The following IFT52 variants were observed in gnomAD, a reference collection of about 807,000 sequenced individuals.
The protein encoded by IFT52 is intraflagellar transport 52, also known as intraflagellar transport protein 52 homolog.
IFT52 carries 44 observed loss-of-function variants against 54.4 expected under a neutral mutation model. The observed-to-expected ratio is 0.81, with a 90% CI of 0.63 to 1.04. The LOEUF (loss-of-function observed/expected upper bound fraction) is 1.04, where lower values mean the gene tolerates loss of function less well. Among genes scored for constraint, IFT52 ranks in the 50% least tolerant of loss-of-function variants. IFT52 has a pLI of 0.00. For missense variants in IFT52, 452 were observed against 523.6 expected (o/e 0.86, Z 1.33); for synonymous variants, 181 against 185.3 (o/e 0.98, Z 0.19).
At chr20:43,609,703 A>G (rs1446251634) in intron 6 of IFT52, among the ~76,000 whole-genome samples, 2 of 139,156 alleles carry the variant, frequency 1.4e-5, no homozygotes, top group Non-Finnish European at 3.1e-5. Context: ...TGAACCTGGG[A>G]GGCGGAGGTT....
intron 3 of IFT52, among the ~76,000 whole-genome samples, chr20:43,600,435 G>T (rs1982334673): frequency 6.6e-6 from 1 of 151,872 alleles, no homozygotes; most frequent in Admixed American, 6.6e-5. Context: ...CTTCCGAGTA[G>T]GTGGTACTAC....
intron 10 of IFT52, among the ~76,000 whole-genome samples, chr20:43,625,998 C>T (rs560957867): frequency 1.6e-4 from 17 of 108,200 alleles, no homozygotes; most frequent in Non-Finnish European, 2.2e-4. Context: ...CCAGCCTGGT[C>T]AACAGAGAGA....
rs1984239090 is a variant in IFT52, at chr20:43,620,838, A to AC, written c.700-18dup. 2.0e-6 allele frequency: 3 copies of AC among 1,478,138 alleles called. No individual in the cohort carries two copies. Among genetic ancestry groups the AC allele is most frequent in the Non-Finnish European group, 2.7e-6 (3 of 1,099,296 alleles). 91.6% of individuals were successfully genotyped at this position (1,478,138 alleles called of 1,614,324 possible). ...AAATAACCAACTGTCCTAATTATATACTTTTTTTTTTAATTTAGGATGTTG... is the reference window on the plus strand; with the variant it reads ...AAATAACCAACTGTCCTAATTATATACCTTTTTTTTTTAATTTAGGATGTTG... On this transcript the variant is annotated intron_variant, in intron 8 of 13. Transcript: ENST00000373030.
intron 2 of IFT52, among the ~76,000 whole-genome samples, chr20:43,595,763 A>G (rs1981908891): frequency 6.6e-6 from 1 of 151,832 alleles, no homozygotes; most frequent in Admixed American, 6.6e-5. Context: ...GTGCATGCCT[A>G]TAATCCCAGC....
intron 6 of IFT52, among the ~76,000 whole-genome samples, chr20:43,605,556 A>G (rs1982798353): frequency 6.6e-6 from 1 of 152,172 alleles, no homozygotes; most frequent in Admixed American, 6.5e-5. Context: ...CAAAAAATAT[A>G]TAGTATGGTA....
chr20:43,631,665 A>G (rs1600505829), intron 10 of IFT52, among the ~76,000 whole-genome samples: 1 of 152,350 alleles, frequency 6.6e-6, no homozygotes, highest in African/African-American at 2.4e-5. Context: ...AGAAGCCACA[A>G]TAGAAAAATA....
At chr20:43,620,117 A>G (rs529372972) in intron 8 of IFT52, among the ~76,000 whole-genome samples, 12 of 151,646 alleles carry the variant, frequency 7.9e-5, no homozygotes, top group African/African-American at 2.7e-4. Flanking sequence ...AGGTTTCACT[A>G]TGTTGGCCAG....
At chr20:43,616,051 A>G (rs543372883) in intron 7 of IFT52, among the ~76,000 whole-genome samples, 1 of 152,264 alleles carries the variant, frequency 6.6e-6, no homozygotes, top group Non-Finnish European at 1.5e-5. Context: ...AAATGTATGT[A>G]ATGTGTGTAT....
chr20:43,628,394 C>G (rs1984904097), intron 10 of IFT52, among the ~76,000 whole-genome samples: 1 of 152,156 alleles, frequency 6.6e-6, no homozygotes, highest in African/African-American at 2.4e-5. Context: ...TTCAGACTTC[C>G]CAGCAGCTTT....
chr20:43,607,858 T>C (rs1443415529), intron 6 of IFT52, among the ~76,000 whole-genome samples: 1 of 152,084 alleles, frequency 6.6e-6, no homozygotes, highest in East Asian at 1.9e-4. Flanking sequence ...CTGGGCACCG[T>C]TGAGCACTGA....
At position 43,605,031 on chromosome 20, in the gene IFT52, T is replaced by A. The variant is rs770857933; in HGVS notation, c.443T>A (p.Val148Glu). 1.9e-6 allele frequency: 3 copies of A among 1,613,790 alleles called. No homozygotes were observed. The South Asian group carries it at 3.3e-5, about 18-fold the overall frequency. The part of the protein sequence containing the change: ...REISRAAGKA[V>E]PGIIDEESSG... Reference sequence around the variant, plus strand: ...ATTAGCCGAGCTGCAGGAAAGGCTGTGCCTGGGATCATTGATGAGGAAAGC... The same window carrying A: ...ATTAGCCGAGCTGCAGGAAAGGCTGAGCCTGGGATCATTGATGAGGAAAGC... Residue 148 changes from valine to glutamate, a missense_variant, in exon 6 of 14, where the codon GTG (valine) becomes GAG (glutamate). Physicochemically the swap from Val to Glu is moderately radical, Grantham distance 121. Transcript: ENST00000373030.
chr20:43,596,664 G>A (rs1164613297), intron 3 of IFT52, 142 bp downstream of exon 3: 1 of 575,334 alleles, frequency 1.7e-6, no homozygotes, highest in Non-Finnish European at 3.2e-6. Flanking sequence ...ATGGAGTTGT[G>A]ATGATTAACT....
Position 43,620,861 on chromosome 20 carries a change from T to A in IFT52, c.704T>A (p.Val235Asp), listed in dbSNP as rs781324889. Reference sequence around the variant, plus strand: ...ATACTTTTTTTTTTAATTTAGGATGTTGTTTTCCAGTGGCTCACGACAGGA... The same window carrying A: ...ATACTTTTTTTTTTAATTTAGGATGATGTTTTCCAGTGGCTCACGACAGGA... ...DKEENSKIMD[V>D]VFQWLTTGDI... Residue 235 changes from valine (V) to aspartate (D), a missense_variant, in exon 9 of 14, where the codon GTT (valine) becomes GAT (aspartate). Physicochemically the swap from Val to Asp is radical, Grantham distance 152. Coordinates refer to ENST00000373030, the MANE Select transcript of IFT52 (RefSeq NM_016004.5). 6.2e-7 allele frequency: 1 copy of A among 1,610,162 alleles called. No individual in the cohort carries two copies. Among genetic ancestry groups the A allele is most frequent in the Admixed American group, 1.7e-5 (1 of 59,804 alleles).
chr20:43,595,712 C>T (rs6124581), intron 2 of IFT52, among the ~76,000 whole-genome samples: 1 of 152,066 alleles, frequency 6.6e-6, no homozygotes, highest in Non-Finnish European at 1.5e-5. Context: ...ATGGCAAAAC[C>T]TCATCTCTAC....
intron 7 of IFT52, among the ~76,000 whole-genome samples, chr20:43,617,323 A>C (rs1177107237): frequency 6.6e-6 from 1 of 152,148 alleles, no homozygotes; most frequent in Non-Finnish European, 1.5e-5. Flanking sequence ...TCATATTTTC[A>C]TATTTATTTA....
chr20:43,618,929 G>C lies in IFT52; in HGVS notation c.613-11G>C. 6.2e-7 allele frequency: 1 copy of C among 1,602,602 alleles called. No individual in the cohort carries two copies. The highest frequency in any genetic ancestry group is 1.1e-5 in the South Asian group (1 of 90,746). ...GGATTTGAGTATCTGACCCTGCTTT[G>C]TCATCAATAGAACCAAGGTGGGAAG... On this transcript the variant is annotated splice_polypyrimidine_tract_variant and intron_variant, in intron 7 of 13. Coordinates refer to ENST00000373030, the MANE Select transcript of IFT52 (RefSeq NM_016004.5).
At chr20:43,612,969 G>C (rs1414416277) in intron 6 of IFT52, among the ~76,000 whole-genome samples, 1 of 152,012 alleles carries the variant, frequency 6.6e-6, no homozygotes, top group Non-Finnish European at 1.5e-5. Context: ...CTTCACCCCA[G>C]AATCTGCACC....
intron 3 of IFT52, among the ~76,000 whole-genome samples, chr20:43,602,048 T>C (rs559867305): frequency 7.3e-4 from 111 of 152,236 alleles, no homozygotes; most frequent in Non-Finnish European, 1.3e-3. Context: ...CTACCAATAA[T>C]GATCAATGTT....
intron 10 of IFT52, among the ~76,000 whole-genome samples, chr20:43,627,146 A>T (rs1178214991): frequency 6.6e-6 from 1 of 151,946 alleles, no homozygotes; most frequent in African/African-American, 2.4e-5. Context: ...CAGCCTGGGC[A>T]ACAGAGCAAG....
Sources: allele counts gnomAD v4.1 joint callset (sites outside exome capture counted in the v4.1 genomes callset), GRCh38; gene constraint gnomAD v4.1.1; transcripts MANE v1.5; gene names NCBI Gene and HGNC (gene_info 2026-07-23, HGNC 2026-07-21).